Variants in NEK5 observed in about 807,000 individuals in gnomAD.
NEK5 encodes the protein NIMA related kinase 5.
NEK5 carries 88 observed loss-of-function variants against 109.2 expected under a neutral mutation model. The observed-to-expected ratio is 0.81, with a 90% CI of 0.68 to 0.96. NEK5 has a LOEUF of 0.96. Ranked by LOEUF, NEK5 falls within the 40% of genes least tolerant of loss-of-function variation. The pLI, the probability that NEK5 is intolerant of heterozygous loss-of-function variation, is 0.00. For synonymous variants in NEK5, 283 were observed against 299.9 expected, an observed-to-expected ratio of 0.94 and a Z score of 0.58; for missense variants, 834 against 920.7, an observed-to-expected ratio of 0.91 and a Z score of 1.22.
At chr13:52,047,675 TAC>T (rs1231176628) in intron 23 of NEK5, among the ~76,000 whole-genome samples, 1 of 151,776 alleles carries the variant, frequency 6.6e-6, no homozygotes. Flanking sequence ...ACCCCGTCTC[TAC>T]AAAAAACAAA....
intron 21 of NEK5, among the ~76,000 whole-genome samples, chr13:52,062,326 G>C (rs972778691): frequency 6.6e-6 from 1 of 152,140 alleles, no homozygotes; most frequent in Non-Finnish European, 1.5e-5. Flanking sequence ...CTCAGCCCAT[G>C]TTATCAAGAA....
intron 1 of NEK5, 139 bp from the exon 2 acceptor site, chr13:52,127,801 G>A: frequency 4.1e-6 from 1 of 246,622 alleles, no homozygotes. Flanking sequence ...AACAATACCT[G>A]TTTTGCAAGT....
chr13:52,050,611 C>CG (rs1555307835), intron 22 of NEK5, among the ~76,000 whole-genome samples: 4 of 134,824 alleles, frequency 3.0e-5, no homozygotes, highest in Non-Finnish European at 6.3e-5. Flanking sequence ...ACACCTTCAT[C>CG]TTTTTTTTTT....
Position 52,110,440 on chromosome 13 carries a change from G to T in NEK5, c.397-30C>A, listed in dbSNP as rs754925834. 7 of 1,603,378 alleles carry T rather than the reference G, an allele frequency of 4.4e-6. No individual in the cohort carries two copies. In the Admixed American group the frequency reaches 1.2e-4, roughly 27 times the overall value. ...AAATGGAGAAAATGTCATGTTGTTT[G>T]AGGTACTTCAAGAAAAGATCAGTTC... On this transcript the variant is annotated intron_variant, in intron 6 of 23. Coordinates refer to ENST00000684899, the MANE Select transcript of NEK5 (RefSeq NM_001365552.1).
Position 52,086,261 on chromosome 13 carries a change from A to T in NEK5, c.1479+16T>A, listed in dbSNP as rs1478911071. On this transcript the variant is annotated intron_variant, in intron 16 of 23. Coordinates refer to ENST00000684899, the MANE Select transcript of NEK5 (RefSeq NM_001365552.1). ...AAATCGATAGAACAATGTTTCCCCT[A>T]GAAGAATGAATTTACCTCTGGTTCT... 6.8e-7 allele frequency: 1 copy of T among 1,472,074 alleles called. No individual in the cohort carries two copies. The highest frequency in any genetic ancestry group is 9.5e-7 in the Non-Finnish European group (1 of 1,050,582). The allele number at this position is 1,472,074 out of a possible 1,614,324, so 91.2% of individuals were successfully genotyped here.
chr13:52,116,889 T>C (rs966682959), intron 4 of NEK5, among the ~76,000 whole-genome samples: 2 of 152,288 alleles, frequency 1.3e-5, no homozygotes, highest in East Asian at 1.9e-4. Context: ...ATTTTTCTTA[T>C]GTTGCTTCAA....
Position 52,083,152 on chromosome 13 carries a change from A to G in NEK5, c.1572+108T>C, listed in dbSNP as rs553245379. The stretch of plus-strand genomic sequence containing the variant: ...AGAGTGAGACTCCGTCTCATAGAAA[A>G]AAAAAAAAAGTTCCCTACGTGGTTC... On this transcript the variant is annotated intron_variant, in intron 17 of 23. Coordinates refer to ENST00000684899, the MANE Select transcript of NEK5 (RefSeq NM_001365552.1). The G allele has an allele frequency of 9.2e-4, 614 of 665,690 alleles. 1 individual carries two copies. The highest frequency in any genetic ancestry group is 1.1e-3 in the East Asian group (39 of 35,658). 41.2% of individuals were successfully genotyped at this position (665,690 alleles called of 1,614,324 possible). A position where few individuals can be genotyped will look rare whatever the true frequency, so the allele number is the denominator to read the frequency against.
At chr13:52,086,554 G>A in intron 15 of NEK5, among the ~76,000 whole-genome samples, 191 bp from the exon 16 acceptor site, 1 of 152,176 alleles carries the variant, frequency 6.6e-6, no homozygotes, top group Non-Finnish European at 1.5e-5. Context: ...AGTGGCTTTA[G>A]CTACAGAGCT....
At chr13:52,073,561 C>T (rs960957483) in intron 19 of NEK5, among the ~76,000 whole-genome samples, 1 of 152,010 alleles carries the variant, frequency 6.6e-6, no homozygotes, top group South Asian at 2.1e-4. Flanking sequence ...ATGATCTGCC[C>T]GTCTCAGCCT....
Position 52,102,204 on chromosome 13 carries a change from TG to T in NEK5, c.697del (p.His233IlefsTer3). 6.2e-7 allele frequency: 1 copy of T among 1,613,848 alleles called. No individual in the cohort carries two copies. Among genetic ancestry groups the T allele is most frequent in the South Asian group, 1.1e-5 (1 of 91,072 alleles). On this transcript the variant is annotated frameshift_variant, in exon 10 of 24. Transcript: ENST00000684899. LOFTEE classifies it high-confidence loss of function. ...TTGAAAGAGCTGAGATATCAAGGAA[TG>T]GAGCTCACGAGAAAACCCCGGAGAT... ...PISPGFSREL[H>X]SLISQLFQVS...
chr13:52,081,749 C>A (rs576583695), intron 17 of NEK5, among the ~76,000 whole-genome samples: 5 of 152,276 alleles, frequency 3.3e-5, no homozygotes, highest in Non-Finnish European at 5.9e-5. Context: ...CTGATACAAA[C>A]TTTTTGAGGC....
intron 23 of NEK5, among the ~76,000 whole-genome samples, chr13:52,048,158 A>G (rs1036536509): frequency 1.2e-4 from 18 of 152,376 alleles, no homozygotes; most frequent in Admixed American, 6.5e-5. Flanking sequence ...CAACACACAG[A>G]AACAATAAAT....
At chr13:52,110,047 G>A (rs1206718047) in intron 7 of NEK5, among the ~76,000 whole-genome samples, 1 of 152,164 alleles carries the variant, frequency 6.6e-6, no homozygotes, top group African/African-American at 2.4e-5. Flanking sequence ...TCATTAAGAA[G>A]TGTAAACCTG....
intron 14 of NEK5, among the ~76,000 whole-genome samples, chr13:52,088,397 G>T (rs1566779377): frequency 6.6e-6 from 1 of 151,920 alleles, no homozygotes; most frequent in Non-Finnish European, 1.5e-5. Context: ...TGGGATTACA[G>T]GTGTGCACCA....
chr13:52,106,840 T>C (rs1386142979), intron 8 of NEK5, among the ~76,000 whole-genome samples: 2 of 152,058 alleles, frequency 1.3e-5, no homozygotes, highest in Non-Finnish European at 1.5e-5. Flanking sequence ...GTTTTAAAGC[T>C]GGAAGACACC....
intron 17 of NEK5, among the ~76,000 whole-genome samples, chr13:52,080,217 G>A (rs1226533569): frequency 2.9e-5 from 4 of 138,324 alleles, no homozygotes; most frequent in Non-Finnish European, 6.6e-5. Flanking sequence ...AGGGAGGTGG[G>A]GGGGGGTCAG....
At chr13:52,075,698 C>T in intron 19 of NEK5, 60 bp downstream of exon 19, 4 of 979,202 alleles carry the variant, frequency 4.1e-6, no homozygotes, top group Non-Finnish European at 6.2e-6. Flanking sequence ...ATGAAACATG[C>T]TATTAAGATA....
chr13:52,090,763 T>C (rs1469073432), intron 13 of NEK5, among the ~76,000 whole-genome samples: 1 of 152,156 alleles, frequency 6.6e-6, no homozygotes, highest in African/African-American at 2.4e-5. Context: ...TGGTGGCTCA[T>C]GCCTGTAATG....
chr13:52,079,946 G>T (rs1280406077), intron 17 of NEK5, among the ~76,000 whole-genome samples: 1 of 151,850 alleles, frequency 6.6e-6, no homozygotes, highest in Non-Finnish European at 1.5e-5. Flanking sequence ...CCTCTACCCG[G>T]CCGCGACCCT....
Sources: allele counts gnomAD v4.1 joint callset (sites outside exome capture counted in the v4.1 genomes callset), GRCh38; gene constraint gnomAD v4.1.1; transcripts MANE v1.5; gene names NCBI Gene and HGNC (gene_info 2026-07-23, HGNC 2026-07-21).